MED13L: variants seen among roughly 807,000 people sequenced by gnomAD.
The protein encoded by MED13L is mediator of RNA polymerase II transcription subunit 13-like.
In MED13L, 7 loss-of-function variants were observed where a neutral mutation model predicts 220.9. That is an observed-to-expected ratio of 0.03 (90% CI 0.02 to 0.06). The LOEUF is 0.06. MED13L is among the 10% of genes least tolerant of loss of function. The pLI is 1.00. For missense variants in MED13L, 1,965 were observed against 2,760.5 expected (o/e 0.71, Z 6.46); for synonymous variants, 1,011 against 1,015.2 (o/e 1.00, Z 0.08).
chr12:115,994,256 G>A (rs1001117419), intron 16 of MED13L, among the ~76,000 whole-genome samples: 27 of 152,032 alleles, frequency 1.8e-4, no homozygotes, highest in African/African-American at 6.0e-4. Flanking sequence ...GACCAGTGTC[G>A]GCAACACAGG....
intron 7 of MED13L, among the ~76,000 whole-genome samples, chr12:116,016,210 G>C (rs983959472): frequency 2.0e-5 from 3 of 151,896 alleles, no homozygotes; most frequent in Non-Finnish European, 4.4e-5. Context: ...AGGTGAAAAA[G>C]AAAGAAGCAA....
At chr12:116,164,073 T>A (rs376221665) in intron 2 of MED13L, among the ~76,000 whole-genome samples, 1 of 152,208 alleles carries the variant, frequency 6.6e-6, no homozygotes, top group South Asian at 2.1e-4. Flanking sequence ...AATTTTCACA[T>A]ACTTAAAAAG....
chr12:116,033,090 T>A lies in MED13L; in HGVS notation c.480-10489A>T, dbSNP rs546111610. Reference sequence around the variant, plus strand: ...TGAGTTTGATTGGGTTTTGTTTTTTTAAAAAAAAACACATTCAAGAATATA... The same window carrying A: ...TGAGTTTGATTGGGTTTTGTTTTTTAAAAAAAAAACACATTCAAGAATATA... On this transcript the variant is annotated intron_variant, in intron 4 of 30. Transcript: ENST00000281928. 2.4e-4 allele frequency among the ~76,000 whole-genome samples: 37 copies of A among 151,124 alleles called. No homozygotes were observed. In the South Asian group the frequency reaches 2.5e-3, roughly 10 times the overall value.
intron 1 of MED13L, among the ~76,000 whole-genome samples, chr12:116,244,603 A>T (rs1000457147): frequency 6.6e-6 from 1 of 152,226 alleles, no homozygotes; most frequent in African/African-American, 2.4e-5. Flanking sequence ...TTTTGGAAGT[A>T]GGGTTGAAAG....
At chr12:116,019,544 C>G in intron 6 of MED13L, 132 bp from the exon 7 acceptor site, 1 of 1,165,694 alleles carries the variant, frequency 8.6e-7, no homozygotes. Flanking sequence ...TCCATTCTTT[C>G]ATAAGTTAAT....
At chr12:116,018,416 T>C (rs896378973) in intron 7 of MED13L, among the ~76,000 whole-genome samples, 13 of 152,220 alleles carry the variant, frequency 8.5e-5, no homozygotes, top group African/African-American at 2.9e-4. Context: ...TCATGCTTGA[T>C]AGTTTATTTT....
At chr12:116,043,281 G>T (rs896631987) in intron 4 of MED13L, among the ~76,000 whole-genome samples, 1 of 152,150 alleles carries the variant, frequency 6.6e-6, no homozygotes, top group African/African-American at 2.4e-5. Flanking sequence ...CACGAAAAAT[G>T]TATTAATTTA....
chr12:115,981,470 T>A (rs1260409882), intron 22 of MED13L, among the ~76,000 whole-genome samples: 1 of 152,216 alleles, frequency 6.6e-6, no homozygotes, highest in Non-Finnish European at 1.5e-5. Context: ...TTGTTTTTCA[T>A]CTATATAGAA....
chr12:116,121,383 A>G (rs1031159834), intron 2 of MED13L, among the ~76,000 whole-genome samples: 1 of 152,296 alleles, frequency 6.6e-6, no homozygotes, highest in African/African-American at 2.4e-5. Context: ...GTTCAGGGAG[A>G]AAAAAAGTCA....
intron 2 of MED13L, among the ~76,000 whole-genome samples, chr12:116,141,200 T>C (rs1565897012): frequency 6.6e-6 from 1 of 152,334 alleles, no homozygotes; most frequent in Admixed American, 6.5e-5. Flanking sequence ...ATGAAGGCAA[T>C]TAAATAAGCC....
Position 116,007,643 on chromosome 12 carries a change from G to GAAAAAA in MED13L, c.2013-8_2013-7insTTTTTT. ...GTTAGGTTGTGCTAAGAGTCTAAAA[G>GAAAAAA]ACAAAAAAAAAAAAAAAAAAAAGAG... On this transcript the variant is annotated splice_polypyrimidine_tract_variant and splice_region_variant and intron_variant, in intron 10 of 30. Transcript: ENST00000281928. 4.5e-5 allele frequency: 13 copies of GAAAAAA among 290,124 alleles called. No homozygotes were observed. The highest frequency in any genetic ancestry group is 1.5e-4 in the South Asian group (2 of 13,016). 18.0% of individuals were successfully genotyped at this position (290,124 alleles called of 1,614,324 possible).
chr12:116,087,959 C>T (rs2137773307), intron 4 of MED13L, among the ~76,000 whole-genome samples: 1 of 152,250 alleles, frequency 6.6e-6, no homozygotes, highest in East Asian at 1.9e-4. Context: ...TCCAGTAGTA[C>T]AAAGTAGTTC....
intron 14 of MED13L, among the ~76,000 whole-genome samples, chr12:116,001,211 T>C (rs148716609): frequency 2.2e-4 from 34 of 152,318 alleles, no homozygotes; most frequent in African/African-American, 7.9e-4. Flanking sequence ...TGTTTCTGTT[T>C]TTTGAGATGG....
chr12:116,053,894 G>T (rs1308883452), intron 4 of MED13L, among the ~76,000 whole-genome samples: 1 of 152,096 alleles, frequency 6.6e-6, no homozygotes, highest in Non-Finnish European at 1.5e-5. Flanking sequence ...CATTTTAGAT[G>T]ACACCACAAG....
At chr12:116,089,486 C>T (rs971213036) in intron 4 of MED13L, among the ~76,000 whole-genome samples, 2 of 152,134 alleles carry the variant, frequency 1.3e-5, no homozygotes, top group Non-Finnish European at 2.9e-5. Context: ...ATAAGTATTA[C>T]AGTATCCTTT....
chr12:116,096,354 CAAAAAAA>C (rs537207957), intron 4 of MED13L, among the ~76,000 whole-genome samples: 34 of 23,554 alleles, frequency 1.4e-3, no homozygotes, highest in South Asian at 2.7e-3. Flanking sequence ...GACACAGCCT[CAAAAAAA>C]AAAAAAAAAA....
chr12:116,017,048 T>C (rs1057492821), intron 7 of MED13L, among the ~76,000 whole-genome samples: 1 of 152,208 alleles, frequency 6.6e-6, no homozygotes, highest in Non-Finnish European at 1.5e-5. Flanking sequence ...CAACATCCTA[T>C]GATATGAAAA....
intron 1 of MED13L, among the ~76,000 whole-genome samples, chr12:116,239,434 T>C (rs1272880095): frequency 6.6e-6 from 1 of 152,192 alleles, no homozygotes; most frequent in Admixed American, 6.5e-5. Flanking sequence ...CCTCTTTTTC[T>C]GTACATATAC....
intron 2 of MED13L, among the ~76,000 whole-genome samples, chr12:116,161,383 T>C (rs1036480568): frequency 6.6e-6 from 1 of 152,124 alleles, no homozygotes; most frequent in Non-Finnish European, 1.5e-5. Flanking sequence ...AATATATATA[T>C]ATACACTTCC....
Sources: gnomAD v4.1 joint callset for allele counts (sites outside exome capture counted in the v4.1 genomes callset) on GRCh38, gnomAD v4.1.1 for gene constraint, MANE v1.5 for transcripts, NCBI Gene and HGNC (gene_info 2026-07-23, HGNC 2026-07-21) for gene names.